Variants in NFATC1 observed in about 807,000 individuals in gnomAD.
NFATC1 encodes the protein nuclear factor of activated T cells 1.
A neutral mutation model predicts 76.0 loss-of-function variants in NFATC1; 22 were observed. The observed-to-expected ratio is 0.29, with a 90% CI of 0.21 to 0.41. The LOEUF (loss-of-function observed/expected upper bound fraction) is 0.41. Among genes scored for constraint, NFATC1 ranks in the 10% least tolerant of loss-of-function variants. The pLI is 1.00. For missense variants in NFATC1, 1,357 were observed against 1,337.7 expected, an observed-to-expected ratio of 1.01 and a Z score of -0.23; for synonymous variants, 704 against 613.1, an observed-to-expected ratio of 1.15 and a Z score of -2.19.
intron 1 of NFATC1, among the ~76,000 whole-genome samples, chr18:79,407,150 T>A (rs2085471509): frequency 6.6e-6 from 1 of 152,260 alleles, no homozygotes; most frequent in Admixed American, 6.5e-5. Context: ...TCCCGGAAGC[T>A]GCTTTCCAGG....
At chr18:79,488,584 C>T (rs996500064) in intron 9 of NFATC1, among the ~76,000 whole-genome samples, 3 of 152,180 alleles carry the variant, frequency 2.0e-5, no homozygotes, top group Non-Finnish European at 4.4e-5. Context: ...TGCCTGCTGT[C>T]CTCCTTGTCC....
At chr18:79,413,109 G>C (rs550117953) in intron 2 of NFATC1, among the ~76,000 whole-genome samples, 4 of 152,184 alleles carry the variant, frequency 2.6e-5, no homozygotes, top group Admixed American at 2.6e-4. Flanking sequence ...CATGTACAAC[G>C]CGCTTCATGG....
At chr18:79,526,312 G>A (rs747161885) in intron 9 of NFATC1, among the ~76,000 whole-genome samples, 3 of 152,264 alleles carry the variant, frequency 2.0e-5, no homozygotes, top group African/African-American at 4.8e-5. Context: ...TGGGGGCGGA[G>A]CCCTCTGCAG....
At chr18:79,464,669 T>TGTGTGTGTGTACGTATATATATACACAC (rs1224530916) in intron 7 of NFATC1, among the ~76,000 whole-genome samples, 30 of 122,246 alleles carry the variant, frequency 2.5e-4, no homozygotes, top group Non-Finnish European at 4.7e-4. Context: ...TGTGTGTGTG[T>TGTGTGTGTGTACGTATATATATACACAC]GTATATGTAT....
chr18:79,503,105 T>G (rs2090047794), intron 9 of NFATC1, among the ~76,000 whole-genome samples: 1 of 152,178 alleles, frequency 6.6e-6, no homozygotes, highest in Non-Finnish European at 1.5e-5. Context: ...AAGGTGGGGT[T>G]TATCCTCACC....
At chr18:79,490,717 C>T (rs8091867) in intron 9 of NFATC1, among the ~76,000 whole-genome samples, 11,355 of 152,216 alleles carry the variant, frequency 0.075, 589 homozygotes, top group Non-Finnish European at 0.11. Flanking sequence ...GTAGATGGGT[C>T]GCTGCCTGTC....
intron 3 of NFATC1, among the ~76,000 whole-genome samples, chr18:79,436,222 TCATCGCACTG>T: frequency 6.6e-6 from 1 of 152,344 alleles, no homozygotes; most frequent in Admixed American, 6.5e-5. Flanking sequence ...GAAACGAGGC[TCATCGCACTG>T]GCCTGGGGGC....
At position 79,410,504 on chromosome 18, in the gene NFATC1, C is replaced by T. The variant is rs747281122; in HGVS notation, c.229C>T (p.Pro77Ser). The change falls in exon 2 of 10, where the codon CCG becomes TCG. Residue 77 changes from proline to serine, a missense_variant. Pro to Ser is a moderately conservative substitution (Grantham distance 74). This residue lies in a region of NFATC1 where 691 missense variants were observed against 613.1 expected (regional missense o/e 1.13). Transcript: ENST00000427363. This position sits in a 1 kb window ranked among gnomAD's most constrained non-coding sequence, Gnocchi z 6.7. Reference protein sequence around the residue: ...APCHNLQTSTPGIIPPADHPS... With the variant: ...APCHNLQTSTSGIIPPADHPS... ...GTGCCACAACCTTCAGACCTCCACA[C>T]CGGGCATCATCCCGCCGGCGGATCA... 6.2e-7 allele frequency: 1 copy of T among 1,612,138 alleles called. No individual in the cohort carries two copies. The highest frequency in any genetic ancestry group is 8.5e-7 in the Non-Finnish European group (1 of 1,179,962).
intron 9 of NFATC1, among the ~76,000 whole-genome samples, chr18:79,506,748 A>G (rs2090128512): frequency 6.6e-6 from 1 of 152,118 alleles, no homozygotes; most frequent in Non-Finnish European, 1.5e-5. Context: ...TCTCTTTAGA[A>G]ACACAGACGG....
intron 7 of NFATC1, among the ~76,000 whole-genome samples, chr18:79,466,466 C>T (rs1264690085): frequency 6.6e-6 from 1 of 152,222 alleles, no homozygotes; most frequent in Non-Finnish European, 1.5e-5. Flanking sequence ...ACGCTGGGGC[C>T]TGAGCACGCG....
chr18:79,440,940 T>C (rs2086950664), intron 3 of NFATC1, among the ~76,000 whole-genome samples: 1 of 152,204 alleles, frequency 6.6e-6, no homozygotes, highest in Non-Finnish European at 1.5e-5. Context: ...GGAGCACCCA[T>C]GGGCGTGTGC....
chr18:79,476,318 C>A (rs2089066869), intron 8 of NFATC1, among the ~76,000 whole-genome samples: 1 of 152,266 alleles, frequency 6.6e-6, no homozygotes. Flanking sequence ...AAGCCTGGCT[C>A]CACAGCTGCC....
intron 1 of NFATC1, among the ~76,000 whole-genome samples, chr18:79,404,287 C>T (rs907297005): frequency 4.0e-4 from 61 of 152,230 alleles, no homozygotes; most frequent in African/African-American, 1.4e-3. Flanking sequence ...TTTGTTTGCG[C>T]TGTGACGAGG....
At chr18:79,417,058 G>A (rs753997712) in intron 2 of NFATC1, among the ~76,000 whole-genome samples, 7 of 152,212 alleles carry the variant, frequency 4.6e-5, no homozygotes, top group African/African-American at 1.4e-4. Flanking sequence ...GGTGACTCGC[G>A]CAAGCCAGAC....
intron 1 of NFATC1, among the ~76,000 whole-genome samples, chr18:79,405,934 CT>C (rs903726201): frequency 6.6e-6 from 1 of 152,222 alleles, no homozygotes; most frequent in African/African-American, 2.4e-5. Context: ...CCCCTCACGC[CT>C]GGGCCCCCGT....
chr18:79,400,125 T>TCGCG (rs1455055625), intron 1 of NFATC1: 3 of 880,744 alleles, frequency 3.4e-6, no homozygotes, highest in African/African-American at 3.7e-5. Flanking sequence ...ACCCCTGCGG[T>TCGCG]CGCGCGCGCG....
At chr18:79,498,218 T>C (rs2089940202) in intron 9 of NFATC1, 1 of 152,156 alleles carries the variant, frequency 6.6e-6, no homozygotes, top group African/African-American at 2.4e-5. Context: ...GGCTCAGGTA[T>C]TAGACCAGCA....
At chr18:79,407,334 T>C (rs2085477747) in intron 1 of NFATC1, among the ~76,000 whole-genome samples, 1 of 152,166 alleles carries the variant, frequency 6.6e-6, no homozygotes, top group Admixed American at 6.5e-5. Context: ...GGATGGTGTG[T>C]GTGTCCTGAC....
At chr18:79,439,141 T>C (rs2086882903) in intron 3 of NFATC1, among the ~76,000 whole-genome samples, 1 of 152,180 alleles carries the variant, frequency 6.6e-6, no homozygotes, top group South Asian at 2.1e-4. Context: ...GCACGCACTG[T>C]TCCACGCAGG....
Sources: allele counts gnomAD v4.1 joint callset (sites outside exome capture counted in the v4.1 genomes callset), GRCh38; gene constraint gnomAD v4.1.1; regional missense constraint gnomAD v4.1.1; non-coding constraint Gnocchi (gnomAD v3.1); transcripts MANE v1.5; gene names NCBI Gene and HGNC (gene_info 2026-07-23, HGNC 2026-07-21).